The following ADGRD1 variants were observed in gnomAD, a reference collection of about 807,000 sequenced individuals.
ADGRD1 encodes the protein adhesion G protein-coupled receptor D1.
Under a neutral mutation model 113.4 loss-of-function variants are expected in ADGRD1, and 77 were observed. The ratio of observed to expected loss-of-function variants is 0.68; its 90% CI spans 0.57 to 0.82. The LOEUF (loss-of-function observed/expected upper bound fraction) is 0.82, where lower values mean the gene tolerates loss of function less well. Ranked by LOEUF, ADGRD1 falls within the 40% of genes least tolerant of loss-of-function variation. The pLI, the probability that ADGRD1 is intolerant of heterozygous loss-of-function variation, is 0.00. For missense variants in ADGRD1, 1,036 were observed against 1,139.1 expected (o/e 0.91, Z 1.30); for synonymous variants, 474 against 475.0 (o/e 1.00, Z 0.03).
At chr12:131,098,042 C>T (rs958275352) in intron 15 of ADGRD1, among the ~76,000 whole-genome samples, 2 of 137,850 alleles carry the variant, frequency 1.5e-5, no homozygotes, top group Admixed American at 7.5e-5. Context: ...TGCACCCCCG[C>T]GCCAGCCTCA....
chr12:131,033,768 G>A (rs1881068778), intron 13 of ADGRD1, among the ~76,000 whole-genome samples: 1 of 152,198 alleles, frequency 6.6e-6, no homozygotes, highest in Non-Finnish European at 1.5e-5. Flanking sequence ...ACAGCCGTGT[G>A]TCCTCTGTGG....
intron 8 of ADGRD1, among the ~76,000 whole-genome samples, chr12:130,998,138 C>T (rs1410899284): frequency 2.0e-5 from 3 of 149,666 alleles, no homozygotes; most frequent in African/African-American, 4.9e-5. Context: ...AGTCCAGCTT[C>T]GGCTCGGCAT....
intron 18 of ADGRD1, among the ~76,000 whole-genome samples, chr12:131,109,970 T>A (rs141629907): frequency 0.013 from 1,956 of 152,340 alleles, 42 homozygotes; most frequent in African/African-American, 0.044. Context: ...TCTAGTATTA[T>A]GTTTTGTTTT....
chr12:130,972,068 C>T (rs867560121), intron 4 of ADGRD1, among the ~76,000 whole-genome samples: 4 of 152,096 alleles, frequency 2.6e-5, no homozygotes, highest in Non-Finnish European at 5.9e-5. Context: ...TCCCGGCAAG[C>T]GGTCGCAGGC....
At chr12:131,064,245 C>G (rs1884548899) in intron 13 of ADGRD1, among the ~76,000 whole-genome samples, 1 of 152,238 alleles carries the variant, frequency 6.6e-6, no homozygotes, top group African/African-American at 2.4e-5. Flanking sequence ...TGCTTATTCC[C>G]TGTCTTAGGA....
chr12:131,006,081 G>A, intron 12 of ADGRD1, 34 bp downstream of exon 12: 1 of 1,578,060 alleles, frequency 6.3e-7, no homozygotes. Flanking sequence ...CAGGGGCGTG[G>A]GTGTGCGTGG....
intron 19 of ADGRD1, among the ~76,000 whole-genome samples, chr12:131,120,075 TG>T (rs1950556849): frequency 6.6e-6 from 1 of 152,166 alleles, no homozygotes; most frequent in Non-Finnish European, 1.5e-5. Flanking sequence ...GGGGCAGACC[TG>T]CTGCTCAGTG....
chr12:131,085,188 G>A (rs1357061037), intron 15 of ADGRD1, among the ~76,000 whole-genome samples: 2 of 152,240 alleles, frequency 1.3e-5, no homozygotes, highest in African/African-American at 4.8e-5. Context: ...AGGGAACGAG[G>A]CTGTGTTCAC....
At position 131,059,747 on chromosome 12, in the gene ADGRD1, A is replaced by T. The variant is rs555355900; in HGVS notation, c.1474-17054A>T. 9.2e-5 allele frequency among the ~76,000 whole-genome samples: 14 copies of T among 152,336 alleles called. No individual in the cohort carries two copies. The East Asian group carries it at 2.7e-3, about 29-fold the overall frequency. On this transcript the variant is annotated intron_variant, in intron 13 of 24. Coordinates refer to ENST00000261654, the MANE Select transcript of ADGRD1 (RefSeq NM_198827.5). The stretch of plus-strand genomic sequence containing the variant: ...TCTGAAAAAGTCCAAAATTGGAAGC[A>T]CTTCTAATTCTTTGCTGAGACTCTT...
At chr12:130,955,724 A>G (rs1869483607) in intron 2 of ADGRD1, among the ~76,000 whole-genome samples, 1 of 152,060 alleles carries the variant, frequency 6.6e-6, no homozygotes, top group South Asian at 2.1e-4. Context: ...CACCCCCCCG[A>G]GCGCTATTGT....
At chr12:131,106,376 A>T (rs1288763722) in intron 17 of ADGRD1, among the ~76,000 whole-genome samples, 1 of 152,156 alleles carries the variant, frequency 6.6e-6, no homozygotes, top group African/African-American at 2.4e-5. Context: ...TGCCCTTTGC[A>T]TGGAGTGGGG....
intron 13 of ADGRD1, among the ~76,000 whole-genome samples, chr12:131,059,133 T>C (rs1214103186): frequency 6.6e-6 from 1 of 152,174 alleles, no homozygotes; most frequent in Non-Finnish European, 1.5e-5. Context: ...CTTTCCTCTG[T>C]CCTCTCTATT....
intron 4 of ADGRD1, among the ~76,000 whole-genome samples, chr12:130,972,832 C>T (rs1374524833): frequency 1.3e-5 from 2 of 152,016 alleles, no homozygotes; most frequent in Non-Finnish European, 2.9e-5. Context: ...CATTTGAGGA[C>T]AAGGATGGTG....
In ADGRD1 at chr12:131,084,904, C is replaced by A. The variant is rs996011798; in HGVS notation, c.1671+241C>A. Among the ~76,000 whole-genome samples the A allele has an allele frequency of 6.6e-6, 1 of 152,180 alleles. No homozygotes were observed. The highest frequency in any genetic ancestry group is 1.5e-5 in the Non-Finnish European group (1 of 68,018). On this transcript the variant is annotated intron_variant, in intron 15 of 24. Transcript: ENST00000261654. This position sits in a 1 kb window ranked among gnomAD's most constrained non-coding sequence, Gnocchi z 4.5. ...TGTAAATCGAGTCCAGTGTGGTGTG[C>A]TTCGCACAGCAACGCCCAGACTGCA...
At chr12:131,053,217 C>T (rs146317820) in intron 13 of ADGRD1, among the ~76,000 whole-genome samples, 338 of 152,364 alleles carry the variant, frequency 2.2e-3, no homozygotes, top group African/African-American at 7.6e-3. Flanking sequence ...ACTGTGATGA[C>T]GGAGTGCAGG....
At chr12:131,081,731 A>G (rs186570507) in intron 14 of ADGRD1, among the ~76,000 whole-genome samples, 8 of 152,192 alleles carry the variant, frequency 5.3e-5, no homozygotes, top group African/African-American at 1.9e-4. Flanking sequence ...GTTTACCTTC[A>G]CTTATTCCAC....
Position 131,105,968 on chromosome 12 carries a change from C to T in ADGRD1, c.1887+103C>T, listed in dbSNP as rs1450162741. Reference sequence around the variant, plus strand: ...AGCTTTTTCAACTCAAATTTCAGAACCCATCTCCCCAGACAACCAGGGCTG... The same window carrying T: ...AGCTTTTTCAACTCAAATTTCAGAATCCATCTCCCCAGACAACCAGGGCTG... On this transcript the variant is annotated intron_variant, in intron 17 of 24. Transcript: ENST00000261654. The T allele has an allele frequency of 7.7e-6, 6 of 784,174 alleles. No individual in the cohort carries two copies. The African/African-American group carries it at 1.0e-4, about 13-fold the overall frequency. 48.6% of individuals were successfully genotyped at this position (784,174 alleles called of 1,614,324 possible).
intron 13 of ADGRD1, among the ~76,000 whole-genome samples, chr12:131,015,904 C>T (rs1878516371): frequency 6.6e-6 from 1 of 152,240 alleles, no homozygotes; most frequent in Non-Finnish European, 1.5e-5. Flanking sequence ...TATTCAAAGA[C>T]CTTCTGGGAC....
In ADGRD1 at chr12:131,057,788, C is replaced by T. The variant is rs945831731; in HGVS notation, c.1474-19013C>T. Among the ~76,000 whole-genome samples, 8 of 152,074 alleles carry T rather than the reference C, an allele frequency of 5.3e-5. No individual in the cohort carries two copies. The highest frequency in any genetic ancestry group is 2.1e-4 in the South Asian group (1 of 4,826). Reference sequence around the variant, plus strand: ...GGAGACATGAATTTTGTGGGGAAACCGTTCAACCCACAACACAGGTGGAGC... The same window carrying T: ...GGAGACATGAATTTTGTGGGGAAACTGTTCAACCCACAACACAGGTGGAGC... On this transcript the variant is annotated intron_variant, in intron 13 of 24. Transcript: ENST00000261654. The surrounding 1 kb of genome is among the most constrained non-coding windows in gnomAD (Gnocchi z 4.2).
Sources: gnomAD v4.1 joint callset for allele counts (sites outside exome capture counted in the v4.1 genomes callset) on GRCh38, gnomAD v4.1.1 for gene constraint, Gnocchi (gnomAD v3.1) non-coding constraint, MANE v1.5 for transcripts, NCBI Gene and HGNC (gene_info 2026-07-23, HGNC 2026-07-21) for gene names.